The following MRPS25 variants were observed in gnomAD, a reference collection of about 807,000 sequenced individuals.
MRPS25 encodes the protein mitochondrial ribosomal protein S25.
Under a neutral mutation model 17.3 loss-of-function variants are expected in MRPS25, and 15 were observed. The observed-to-expected ratio is 0.87, with a 90% CI of 0.58 to 1.34. The LOEUF (loss-of-function observed/expected upper bound fraction) is 1.34. Among genes scored for constraint, MRPS25 ranks in the 40% most tolerant of loss-of-function variants. The probability of loss-of-function intolerance (pLI) is 0.00; values close to 1 mark genes in which losing one functional copy is unlikely to be tolerated. For missense variants in MRPS25, 225 were observed against 218.6 expected (o/e 1.03, Z -0.19); for synonymous variants, 94 against 83.3 (o/e 1.13, Z -0.70).
At chr3:15,061,390 A>AT in intron 1 of MRPS25, among the ~76,000 whole-genome samples, 1 of 151,926 alleles carries the variant, frequency 6.6e-6, no homozygotes, top group Non-Finnish European at 1.5e-5. Flanking sequence ...TGGTTTTCGT[A>AT]TTTTTTTGGT....
intron 1 of MRPS25, among the ~76,000 whole-genome samples, chr3:15,063,306 G>A (rs1175172562): frequency 6.6e-6 from 1 of 152,188 alleles, no homozygotes; most frequent in Non-Finnish European, 1.5e-5. Flanking sequence ...TAGAACACCT[G>A]GCAGAGGTGA....
In MRPS25 at chr3:15,053,984, C is replaced by T. The variant is rs182890044; in HGVS notation, c.242-517G>A. Reference sequence around the variant, plus strand: ...ACTAGTATAAGAATATGGCCGGGCGCGGTGGCTCAAACCTGTAATTCCAGC... The same window carrying T: ...ACTAGTATAAGAATATGGCCGGGCGTGGTGGCTCAAACCTGTAATTCCAGC... On this transcript the variant is annotated intron_variant, in intron 2 of 3. Transcript: ENST00000253686. Among the ~76,000 whole-genome samples, 65 of 152,260 alleles carry T rather than the reference C, an allele frequency of 4.3e-4. 1 individual carries two copies. The East Asian group carries it at 8.9e-3, about 21-fold the overall frequency.
intron 1 of MRPS25, among the ~76,000 whole-genome samples, chr3:15,060,529 A>G (rs1016037900): frequency 1.1e-4 from 16 of 151,476 alleles, no homozygotes; most frequent in Admixed American, 6.6e-5. Context: ...AAAAAAAAAA[A>G]AAAAAGAAAA....
In MRPS25 at chr3:15,052,493, T is replaced by G; in HGVS notation, c.470A>C (p.Lys157Thr). The change falls in exon 4 of 4, where the codon AAG becomes ACG. Residue 157 changes from lysine (K) to threonine (T), a missense_variant. Transcript: ENST00000253686. ...GGCTTTGTACTTCCCCCTCATCTCCTTGGGTAATGGCACCAGGCTGGGGCA... is the reference window on the plus strand; with the variant it reads ...GGCTTTGTACTTCCCCCTCATCTCCGTGGGTAATGGCACCAGGCTGGGGCA... ...VPCPSLVPLPKEMRGKYKAAL... is the reference protein window; with the variant it reads ...VPCPSLVPLPTEMRGKYKAAL... The G allele has an allele frequency of 6.2e-7, 1 of 1,614,136 alleles. No individual in the cohort carries two copies. The highest frequency in any genetic ancestry group is 8.5e-7 in the Non-Finnish European group (1 of 1,180,010).
At chr3:15,053,509 C>G (rs1299488219) in intron 2 of MRPS25, 42 bp from the exon 3 acceptor site, 17 of 1,612,564 alleles carry the variant, frequency 1.1e-5, no homozygotes, top group Admixed American at 3.3e-5. Context: ...ACAGAACTCA[C>G]AGCGCACTCA....
chr3:15,057,249 C>T (rs770287197), intron 2 of MRPS25, among the ~76,000 whole-genome samples: 2 of 152,238 alleles, frequency 1.3e-5, no homozygotes, highest in Non-Finnish European at 1.5e-5. Flanking sequence ...CGCTGGCCAA[C>T]GCTCCCAGAG....
chr3:15,050,726 C>T lies in MRPS25; in HGVS notation c.*1715G>A, dbSNP rs116960223. 5.4e-5 allele frequency: 53 copies of T among 985,430 alleles called. No homozygotes were observed. In the East Asian group the frequency reaches 4.3e-3, roughly 80 times the overall value. The allele number at this position is 985,430 out of a possible 1,614,324, so 61.0% of individuals were successfully genotyped here. On this transcript the variant is annotated 3_prime_UTR_variant, in exon 4 of 4. Coordinates refer to ENST00000253686, the MANE Select transcript of MRPS25 (RefSeq NM_022497.5). ...ACACTCCCTTTGTAAGTCTGTCACT[C>T]AAGGAACACCTGTCCATTATACATC...
At chr3:15,042,653 G>GT (rs911845238), downstream of MRPS25, 9 of 584,048 alleles carry the variant, frequency 1.5e-5, no homozygotes, top group Middle Eastern at 9.1e-4. Flanking sequence ...TACTCATTTG[G>GT]TTTTTTCTCA....
At chr3:15,058,937 G>C (rs530284185) in intron 2 of MRPS25, among the ~76,000 whole-genome samples, 1 of 152,164 alleles carries the variant, frequency 6.6e-6, no homozygotes, top group Admixed American at 6.5e-5. Context: ...CCGAGACAGA[G>C]GGGTTCTGGG....
chr3:15,063,934 A>C (rs897615204), intron 1 of MRPS25, among the ~76,000 whole-genome samples: 2 of 152,120 alleles, frequency 1.3e-5, no homozygotes. Flanking sequence ...ATACACCCTA[A>C]GACCAAGACC....
intron 2 of MRPS25, among the ~76,000 whole-genome samples, chr3:15,056,407 C>T (rs961922746): frequency 6.6e-6 from 1 of 152,152 alleles, no homozygotes; most frequent in African/African-American, 2.4e-5. Context: ...TCCTAACCCC[C>T]AGAACCTTAC....
rs532343137 is a variant in MRPS25, at chr3:15,054,690, A to G, written c.242-1223T>C. ...ATGACATTAAAAAACATAATCCATA[A>G]AAGAAAAAAAACTCTATAAATTGAA... is the stretch of plus-strand genomic sequence containing the variant. On this transcript the variant is annotated intron_variant, in intron 2 of 3. Coordinates refer to ENST00000253686, the MANE Select transcript of MRPS25 (RefSeq NM_022497.5). Among the ~76,000 whole-genome samples, 8 of 152,308 alleles carry G rather than the reference A, an allele frequency of 5.3e-5. No individual in the cohort carries two copies. The South Asian group carries it at 1.7e-3, about 32-fold the overall frequency.
downstream of MRPS25, chr3:15,048,153 T>C (rs2042522993): frequency 6.5e-6 from 1 of 152,702 alleles, no homozygotes; most frequent in South Asian, 2.1e-4. Flanking sequence ...TATGAGACCA[T>C]AGTACTCAGT....
intron 1 of MRPS25, among the ~76,000 whole-genome samples, chr3:15,063,435 G>A (rs76926871): frequency 0.036 from 5,411 of 152,278 alleles, 121 homozygotes; most frequent in Non-Finnish European, 0.053. Flanking sequence ...CAGTGGGGCA[G>A]CTGAAGGGCT....
chr3:15,052,683 G>C (rs773327156), intron 3 of MRPS25, 50 bp from the exon 4 acceptor site: 51 of 1,581,930 alleles, frequency 3.2e-5, no homozygotes, highest in Non-Finnish European at 1.7e-6. Context: ...TTGAGTGGCA[G>C]GCACAGGGCA....
chr3:15,059,344 G>T, intron 2 of MRPS25, 25 bp downstream of exon 2: 1 of 1,506,832 alleles, frequency 6.6e-7, no homozygotes, highest in South Asian at 1.1e-5. Context: ...GACAGCCCCT[G>T]GACCATGGCG....
At chr3:15,061,859 C>A (rs2042768366) in intron 1 of MRPS25, among the ~76,000 whole-genome samples, 2 of 151,600 alleles carry the variant, frequency 1.3e-5, no homozygotes. Context: ...GCATCTCTGC[C>A]CAGCCACCCC....
downstream of MRPS25, chr3:15,045,971 G>C (rs2042434954): frequency 6.6e-6 from 1 of 152,178 alleles, no homozygotes; most frequent in South Asian, 2.1e-4. Context: ...AAGACAGATA[G>C]ATGTTGAAAA....
chr3:15,052,599 G>A lies in MRPS25; in HGVS notation c.364C>T (p.Gln122Ter). ...CCGAAGTTGGCTGGGTGAGAAAGCT[G>A]CTTTTTCTCCTCCTCCTCTTCCCTG... ...TLREEEEEKK[Q>*]LSHPANFGPR... Residue 122 changes from glutamine (Q) to a stop codon, truncating the protein, a stop_gained, in exon 4 of 4, where the codon CAG becomes TAG. Coordinates refer to ENST00000253686, the MANE Select transcript of MRPS25 (RefSeq NM_022497.5). LOFTEE classifies it high-confidence loss of function. 1.2e-6 allele frequency: 2 copies of A among 1,614,134 alleles called. No homozygotes were observed. Among genetic ancestry groups the A allele is most frequent in the Non-Finnish European group, 1.7e-6 (2 of 1,180,006 alleles).
Sources: allele counts gnomAD v4.1 joint callset (sites outside exome capture counted in the v4.1 genomes callset), GRCh38; gene constraint gnomAD v4.1.1; transcripts MANE v1.5; gene names NCBI Gene and HGNC (gene_info 2026-07-23, HGNC 2026-07-21).